Variants in TUSC3 observed in about 807,000 individuals in gnomAD.
TUSC3 encodes tumor suppressor candidate 3.
Under a neutral mutation model 44.8 loss-of-function variants are expected in TUSC3, and 45 were observed. The observed-to-expected ratio is 1.00, with a 90% confidence interval of 0.79 to 1.29. The LOEUF (loss-of-function observed/expected upper bound fraction) is 1.29, where lower values mean the gene tolerates loss of function less well. Among genes scored for constraint, TUSC3 ranks in the 50% most tolerant of loss-of-function variants. TUSC3 has a pLI of 0.00. For missense variants in TUSC3, 519 were observed against 437.9 expected, an observed-to-expected ratio of 1.19 and a Z score of -1.65; for synonymous variants, 212 against 152.9, an observed-to-expected ratio of 1.39 and a Z score of -2.85.
chr8:15,452,143 T>C (rs1442718136), intron 1 of TUSC3, among the ~76,000 whole-genome samples: 1 of 152,186 alleles, frequency 6.6e-6, no homozygotes, highest in South Asian at 2.1e-4. Flanking sequence ...ACCGTGAAGT[T>C]ATTGAGTGTT....
chr8:15,830,083 G>A, the TUSC3 span, among the ~76,000 whole-genome samples: 16,056 of 150,676 alleles, frequency 0.11, 960 homozygotes, highest in East Asian at 0.25. Context: ...TTGGCTGCTC[G>A]TATGTCTTCT....
At chr8:15,754,769 G>A (rs1811853894) in intron 9 of TUSC3, among the ~76,000 whole-genome samples, 1 of 142,072 alleles carries the variant, frequency 7.0e-6, no homozygotes, top group Non-Finnish European at 1.6e-5. Context: ...GTACAGAACC[G>A]TGATCATAAT....
the TUSC3 span, among the ~76,000 whole-genome samples, chr8:15,786,941 CAAAAAA>C: frequency 2.4e-4 from 15 of 63,378 alleles, no homozygotes; most frequent in African/African-American, 9.0e-4. Flanking sequence ...GAGACTCCAT[CAAAAAA>C]AAAAAAAAAA....
chr8:15,515,364 GAAGAC>G (rs1424651275), intron 2 of TUSC3, among the ~76,000 whole-genome samples: 3 of 152,126 alleles, frequency 2.0e-5, no homozygotes. Context: ...ACTGAAGAAT[GAAGAC>G]AAGAGTCCTG....
At chr8:15,622,559 C>A (rs575032638) in intron 1 of TUSC3, among the ~76,000 whole-genome samples, 2 of 152,324 alleles carry the variant, frequency 1.3e-5, no homozygotes, top group East Asian at 1.9e-4. Context: ...AGACTAGCCA[C>A]CATAATGACT....
At chr8:15,827,589 G>T in the TUSC3 span, among the ~76,000 whole-genome samples, 1 of 152,134 alleles carries the variant, frequency 6.6e-6, no homozygotes, top group Admixed American at 6.5e-5. Flanking sequence ...TTTTAGGCTT[G>T]AAATTGTTTC....
At chr8:15,467,164 C>G (rs547058600) in intron 1 of TUSC3, among the ~76,000 whole-genome samples, 1 of 151,502 alleles carries the variant, frequency 6.6e-6, no homozygotes, top group South Asian at 2.1e-4. Flanking sequence ...TAAAAGACAA[C>G]ACTGTTAGGG....
At chr8:15,678,674 G>A (rs999491274) in intron 6 of TUSC3, among the ~76,000 whole-genome samples, 1 of 152,080 alleles carries the variant, frequency 6.6e-6, no homozygotes, top group African/African-American at 2.4e-5. Flanking sequence ...AATTGATGGA[G>A]TACATGTGCA....
intron 10 of TUSC3, among the ~76,000 whole-genome samples, chr8:15,763,261 G>A (rs1325298307): frequency 2.0e-5 from 3 of 151,818 alleles, no homozygotes; most frequent in Non-Finnish European, 2.9e-5. Flanking sequence ...CAAAACAAAC[G>A]TTCTTTTCAC....
chr8:15,577,367 T>G lies in TUSC3; in HGVS notation c.138+36799T>G, dbSNP rs1202391499. ...TTTTGTTGCCATTGCTTTTGGTGTT[T>G]TGGACATGAAGTCCTTGCCCATGCC... On this transcript the variant is annotated intron_variant, in intron 1 of 10. Coordinates refer to ENST00000503731, the MANE Select transcript of TUSC3 (RefSeq NM_006765.4). Among the ~76,000 whole-genome samples, 8 of 151,980 alleles carry G rather than the reference T, an allele frequency of 5.3e-5. No homozygotes were observed. The East Asian group carries it at 9.7e-4, about 18-fold the overall frequency.
intron 1 of TUSC3, among the ~76,000 whole-genome samples, chr8:15,562,791 T>A (rs993965393): frequency 3.9e-5 from 6 of 152,156 alleles, no homozygotes; most frequent in African/African-American, 1.4e-4. Flanking sequence ...CATGGCTATT[T>A]GCTTTATTCC....
the TUSC3 span, among the ~76,000 whole-genome samples, chr8:15,781,324 A>G: frequency 1.3e-5 from 2 of 152,162 alleles, no homozygotes; most frequent in South Asian, 4.1e-4. Context: ...CTCTTACCTT[A>G]CCTGTCTCAT....
chr8:15,514,372 A>T (rs904983422), intron 2 of TUSC3, among the ~76,000 whole-genome samples: 2 of 152,322 alleles, frequency 1.3e-5, no homozygotes, highest in African/African-American at 4.8e-5. Flanking sequence ...GAAGTTGAGC[A>T]AGAAAATTAA....
chr8:15,561,701 T>A (rs553893514), intron 1 of TUSC3: 1 of 149,946 alleles, frequency 6.7e-6, no homozygotes, highest in Non-Finnish European at 1.5e-5. Context: ...GGATATAATC[T>A]TGTGGTGCGC....
At chr8:15,574,633 A>G (rs542580002) in intron 1 of TUSC3, among the ~76,000 whole-genome samples, 50 of 152,158 alleles carry the variant, frequency 3.3e-4, no homozygotes, top group Non-Finnish European at 5.4e-4. Context: ...TAACTGTCTC[A>G]CAAAGCTTAC....
At chr8:15,508,202 T>G (rs1451585639) in intron 2 of TUSC3, among the ~76,000 whole-genome samples, 1 of 152,138 alleles carries the variant, frequency 6.6e-6, no homozygotes, top group Non-Finnish European at 1.5e-5. Flanking sequence ...TTCACGCCAC[T>G]GCATTCTGGC....
intron 1 of TUSC3, among the ~76,000 whole-genome samples, chr8:15,584,893 T>C (rs1427483784): frequency 6.6e-6 from 1 of 152,118 alleles, no homozygotes; most frequent in African/African-American, 2.4e-5. Flanking sequence ...CTTTGAGAGA[T>C]CTGAAATACT....
chr8:15,584,643 T>C (rs1803519573), intron 1 of TUSC3, among the ~76,000 whole-genome samples: 1 of 151,694 alleles, frequency 6.6e-6, no homozygotes, highest in East Asian at 1.9e-4. Flanking sequence ...TTTTGACAAA[T>C]GAGGAAGAGT....
chr8:15,700,086 G>A (rs1331566672), intron 6 of TUSC3, among the ~76,000 whole-genome samples: 1 of 152,018 alleles, frequency 6.6e-6, no homozygotes, highest in African/African-American at 2.4e-5. Context: ...ATTGAAAACA[G>A]GACAAGATTA....
Sources: gnomAD v4.1 joint callset for allele counts (sites outside exome capture counted in the v4.1 genomes callset) on GRCh38, gnomAD v4.1.1 for gene constraint, MANE v1.5 for transcripts, NCBI Gene and HGNC (gene_info 2026-07-23, HGNC 2026-07-21) for gene names.